RHCE: variants seen among roughly 807,000 people sequenced by gnomAD.
The protein encoded by RHCE is Rh blood group CcEe antigens.
Under a neutral mutation model 43.8 loss-of-function variants are expected in RHCE, and 22 were observed. That is an observed-to-expected ratio of 0.50 (90% CI 0.36 to 0.72). The LOEUF is 0.72. RHCE is among the 30% of genes least tolerant of loss of function. RHCE has a pLI of 0.00. For synonymous variants in RHCE, 156 were observed against 210.7 expected (o/e 0.74, Z 2.25); for missense variants, 385 against 525.4 (o/e 0.73, Z 2.61).
rs1418132887 is a variant in RHCE at position 25,414,300 on chromosome 1, T to G, written c.149-5431A>C. The stretch of plus-strand genomic sequence containing the variant: ...ATTCTGGATCTGCACCCCCTCCCAC[T>G]CTTGCCCCTCCCTCTGGCCTGCAGA... On this transcript the variant is annotated intron_variant, in intron 1 of 9. Coordinates refer to ENST00000294413, the MANE Select transcript of RHCE (RefSeq NM_020485.8). Among the ~76,000 whole-genome samples, 35 of 151,986 alleles carry G rather than the reference T, an allele frequency of 2.3e-4. 1 individual carries two copies. The highest frequency in any genetic ancestry group is 2.2e-3 in the Admixed American group (33 of 15,244).
chr1:25,373,465 T>A (rs1214091947), intron 8 of RHCE, among the ~76,000 whole-genome samples: 2 of 151,778 alleles, frequency 1.3e-5, no homozygotes, highest in Non-Finnish European at 2.9e-5. Context: ...TTAACTCTAC[T>A]CCGCCTCTGC....
At chr1:25,424,374 C>T (rs537643151), upstream of RHCE, among the ~76,000 whole-genome samples, 7 of 152,152 alleles carry the variant, frequency 4.6e-5, no homozygotes, top group South Asian at 8.3e-4. Context: ...GAAGTTTTCC[C>T]TGACTGCCCT....
At chr1:25,416,589 T>G (rs1229809682) in intron 1 of RHCE, among the ~76,000 whole-genome samples, 1 of 152,040 alleles carries the variant, frequency 6.6e-6, no homozygotes, top group African/African-American at 2.4e-5. Context: ...ATTTTTAAAT[T>G]TGTTATTACA....
At chr1:25,375,791 C>CTT (rs1168607618) in intron 7 of RHCE, among the ~76,000 whole-genome samples, 8 of 123,434 alleles carry the variant, frequency 6.5e-5, no homozygotes, top group Non-Finnish European at 8.0e-5. Context: ...CTCTCTCTCT[C>CTT]TTTTTTTTTT....
Position 25,376,163 on chromosome 1 carries a change from G to C in RHCE, c.1074-735C>G, listed in dbSNP as rs1172508944. Reference sequence around the variant, plus strand: ...CTTGGGGCAAGGTGGGTGGGGTAGAGCTTGGCTTTCAGACCCATCTCCCCT... The same window carrying C: ...CTTGGGGCAAGGTGGGTGGGGTAGACCTTGGCTTTCAGACCCATCTCCCCT... On this transcript the variant is annotated intron_variant, in intron 7 of 9. Coordinates refer to ENST00000294413, the MANE Select transcript of RHCE (RefSeq NM_020485.8). Among the ~76,000 whole-genome samples, 3 of 152,030 alleles carry C rather than the reference G, an allele frequency of 2.0e-5. No homozygotes were observed. In the East Asian group the frequency reaches 5.8e-4, roughly 29 times the overall value.
upstream of RHCE, among the ~76,000 whole-genome samples, chr1:25,422,702 T>C (rs1486529052): frequency 3.9e-5 from 6 of 152,038 alleles, no homozygotes; most frequent in East Asian, 9.6e-4. Context: ...ACCACTTAAC[T>C]GTAGCCTAGA....
At position 25,402,501 on chromosome 1, in the gene RHCE, C is replaced by T. The variant is rs184089964; in HGVS notation, c.486+95G>A. The T allele has an allele frequency of 1.5e-4, 232 of 1,595,402 alleles. No homozygotes were observed. In the African/African-American group the frequency reaches 2.9e-3, roughly 20 times the overall value. Reference sequence around the variant, plus strand: ...TCAACCTCCCAAGTAGCTGGGATTACAGGTTGTCTTTATTTTTCAAAACCC... The same window carrying T: ...TCAACCTCCCAAGTAGCTGGGATTATAGGTTGTCTTTATTTTTCAAAACCC... On this transcript the variant is annotated intron_variant, in intron 3 of 9. Transcript: ENST00000294413.
Position 25,362,448 on chromosome 1 carries a change from C to T in RHCE, c.*79G>A. ...GGAGACTTTGCTGTCATGAGCGTTTCTCACGTACAAATGCAGGCAACAGTG... is the reference window on the plus strand; with the variant it reads ...GGAGACTTTGCTGTCATGAGCGTTTTTCACGTACAAATGCAGGCAACAGTG... On this transcript the variant is annotated 3_prime_UTR_variant, in exon 10 of 10. Transcript: ENST00000294413. 6.2e-7 allele frequency: 1 copy of T among 1,613,444 alleles called. No individual in the cohort carries two copies. The highest frequency in any genetic ancestry group is 8.5e-7 in the Non-Finnish European group (1 of 1,179,626).
intron 7 of RHCE, among the ~76,000 whole-genome samples, chr1:25,376,639 G>A (rs1049373906): frequency 2.0e-5 from 3 of 152,208 alleles, no homozygotes; most frequent in South Asian, 2.1e-4. Context: ...TTAAGGCCGG[G>A]TGTGGTGGCT....
chr1:25,376,692 A>G (rs1420538127), intron 7 of RHCE, among the ~76,000 whole-genome samples: 5 of 152,116 alleles, frequency 3.3e-5, no homozygotes, highest in Admixed American at 1.3e-4. Flanking sequence ...AGGCGGGTGG[A>G]TCATGAGGTC....
intron 7 of RHCE, among the ~76,000 whole-genome samples, chr1:25,379,480 TATATATATATATATA>T (rs1348378319): frequency 0.014 from 149 of 10,278 alleles, 3 homozygotes; most frequent in Middle Eastern, 0.05. Context: ...TATATATATA[TATATATATATATATA>T]TTTTTTTTTT....
chr1:25,428,460 CA>C (rs1475226306), intron 2 of RHCE, among the ~76,000 whole-genome samples: 1 of 152,222 alleles, frequency 6.6e-6, no homozygotes, highest in Admixed American at 6.5e-5. Context: ...TATCCTTTCT[CA>C]ATGATGGGCA....
intron 9 of RHCE, among the ~76,000 whole-genome samples, chr1:25,367,981 A>G (rs1645477674): frequency 6.6e-6 from 1 of 150,568 alleles, no homozygotes; most frequent in Non-Finnish European, 1.5e-5. Context: ...TCTCAAACAA[A>G]AAAATTACAG....
chr1:25,378,008 A>C (rs1645840110), intron 7 of RHCE, among the ~76,000 whole-genome samples: 3 of 152,202 alleles, frequency 2.0e-5, no homozygotes, highest in Non-Finnish European at 4.4e-5. Context: ...CCACAATAGA[A>C]AATGGGCAAA....
intron 4 of RHCE, 112 bp from the exon 5 acceptor site, chr1:25,391,027 T>C: frequency 6.9e-7 from 1 of 1,449,866 alleles, no homozygotes; most frequent in Non-Finnish European, 9.7e-7. Context: ...CCTTGTCACT[T>C]AGAGTTAGAT....
intron 3 of RHCE, among the ~76,000 whole-genome samples, chr1:25,400,807 T>C (rs1178283977): frequency 6.6e-6 from 1 of 152,018 alleles, no homozygotes; most frequent in African/African-American, 2.4e-5. Flanking sequence ...TCTCAGTAAA[T>C]GGCACCAGCA....
At position 25,389,102 on chromosome 1, in the gene RHCE, G is replaced by A. The variant is rs1452414870; in HGVS notation, c.813C>T (p.His271=). 1.2e-5 allele frequency: 19 copies of A among 1,613,908 alleles called. No homozygotes were observed. The highest frequency in any genetic ancestry group is 1.6e-5 in the Non-Finnish European group (19 of 1,179,872). The stretch of plus-strand genomic sequence containing the variant: ...CCACGCCTCCTGCCAACACCGCACT[G>A]TGCACATAAGTCTGCAAAGAAATAG... ...PQRKISMTYV[H]SAVLAGGVAV... Residue 271 remains histidine (H), a synonymous_variant, in exon 6 of 10, where the codon CAC becomes CAT. Transcript: ENST00000294413.
chr1:25,379,020 T>G (rs1428036452), intron 7 of RHCE, among the ~76,000 whole-genome samples: 6 of 152,168 alleles, frequency 3.9e-5, no homozygotes, highest in Non-Finnish European at 8.8e-5. Flanking sequence ...TCCATGTATA[T>G]TATCTCAGTT....
intron 2 of RHCE, among the ~76,000 whole-genome samples, chr1:25,426,092 C>T (rs975173589): frequency 6.6e-5 from 10 of 152,152 alleles, no homozygotes; most frequent in African/African-American, 1.9e-4. Context: ...GAAGATTCAA[C>T]GAGGCAGTGC....
Sources: gnomAD v4.1 joint callset for allele counts (sites outside exome capture counted in the v4.1 genomes callset) on GRCh38, gnomAD v4.1.1 for gene constraint, MANE v1.5 for transcripts, NCBI Gene and HGNC (gene_info 2026-07-23, HGNC 2026-07-21) for gene names.